DOCK10: variants seen among roughly 807,000 people sequenced by gnomAD.
DOCK10 encodes dedicator of cytokinesis protein 10.
DOCK10 carries 145 observed loss-of-function variants against 280.1 expected under a neutral mutation model. The observed-to-expected ratio is 0.52, with a 90% CI of 0.45 to 0.59. The LOEUF (loss-of-function observed/expected upper bound fraction) is 0.59, where lower values mean the gene tolerates loss of function less well. DOCK10 is among the 20% of genes least tolerant of loss of function. DOCK10 has a pLI of 0.00. For synonymous variants in DOCK10, 915 were observed against 942.2 expected (o/e 0.97, Z 0.53); for missense variants, 2,368 against 2,651.7 (o/e 0.89, Z 2.35).
chr2:224,771,240 C>T (rs115384520), intron 53 of DOCK10, among the ~76,000 whole-genome samples: 2,522 of 152,234 alleles, frequency 0.017, 60 homozygotes, highest in African/African-American at 0.053. Flanking sequence ...GAACCACCCA[C>T]GGAATCTGCT....
intron 1 of DOCK10, among the ~76,000 whole-genome samples, chr2:224,967,218 T>A (rs527514313): frequency 6.6e-6 from 1 of 152,106 alleles, no homozygotes; most frequent in South Asian, 2.1e-4. Flanking sequence ...TAGTTGGGAC[T>A]ACAGGGGCCC....
intron 1 of DOCK10, chr2:224,946,717 T>A (rs527658943): frequency 1.8e-6 from 1 of 552,852 alleles, no homozygotes; most frequent in Non-Finnish European, 2.9e-6. Flanking sequence ...AGGACCCAAA[T>A]GGAATCTTCT....
chr2:224,848,375 T>G (rs1696503125), intron 19 of DOCK10, among the ~76,000 whole-genome samples: 1 of 152,172 alleles, frequency 6.6e-6, no homozygotes, highest in South Asian at 2.1e-4. Context: ...GAAATTAAAT[T>G]TTTTCACTGA....
chr2:224,976,623 A>T (rs1705454521), intron 1 of DOCK10, among the ~76,000 whole-genome samples: 1 of 151,624 alleles, frequency 6.6e-6, no homozygotes, highest in African/African-American at 2.4e-5. Context: ...GGAAAAAACC[A>T]AGTTCCCTGG....
At chr2:224,945,678 C>CATATATAT (rs146310112) in intron 1 of DOCK10, among the ~76,000 whole-genome samples, 5 of 150,078 alleles carry the variant, frequency 3.3e-5, no homozygotes, top group African/African-American at 1.2e-4. Context: ...CATGTGTGTG[C>CATATATAT]ATATATATAT....
intron 1 of DOCK10, among the ~76,000 whole-genome samples, chr2:225,000,442 T>C (rs1387131646): frequency 6.6e-6 from 1 of 152,164 alleles, no homozygotes; most frequent in East Asian, 1.9e-4. Context: ...GAAAGTTGAG[T>C]TCTCTAGCAA....
Position 224,864,669 on chromosome 2 carries a change from A to T in DOCK10, c.1486T>A (p.Phe496Ile). The T allele has an allele frequency of 4.3e-6, 7 of 1,610,600 alleles. No homozygotes were observed. The highest frequency in any genetic ancestry group is 5.9e-6 in the Non-Finnish European group (7 of 1,179,074). Residue 496 changes from phenylalanine to isoleucine, a missense_variant, in exon 13 of 56, where the codon TTT becomes ATT. Coordinates refer to ENST00000258390, the MANE Select transcript of DOCK10 (RefSeq NM_014689.3). ...EWLKFPKQAV[F>I]SVSNPHSEIV... ...TCAGAATGTGGATTGCTTACAGAAA[A>T]TACAGCCTGTGTACAAAGAAAGCAG...
At chr2:224,876,548 A>T (rs1698643482) in intron 7 of DOCK10, among the ~76,000 whole-genome samples, 1 of 151,972 alleles carries the variant, frequency 6.6e-6, no homozygotes, top group South Asian at 2.1e-4. Flanking sequence ...TGACTTTCTC[A>T]CCTTATATTC....
intron 27 of DOCK10, among the ~76,000 whole-genome samples, chr2:224,830,028 G>A (rs1695120339): frequency 6.6e-6 from 1 of 152,222 alleles, no homozygotes; most frequent in African/African-American, 2.4e-5. Context: ...AATATAAAGA[G>A]TTGCTGTATC....
chr2:224,775,156 G>C (rs1690746801), intron 51 of DOCK10, 41 bp from the exon 52 acceptor site: 2 of 1,579,448 alleles, frequency 1.3e-6, no homozygotes, highest in African/African-American at 2.7e-5. Context: ...GGTGTGCCCT[G>C]GAGCGCTCTG....
In DOCK10 at chr2:224,787,391, G is replaced by A. The variant is rs529133785; in HGVS notation, c.5425C>T (p.Leu1809=). Residue 1809 remains leucine, a synonymous_variant, in exon 49 of 56, where the codon CTG becomes TTG. Coordinates refer to ENST00000258390, the MANE Select transcript of DOCK10 (RefSeq NM_014689.3). ...ACACACATGTATAGCTGCTCCACCA[G>A]GATATTCTGCAATTCCCCCAATCAA... ...MQDTPYNENI[L]VEQLYMCVEF... 2 of 1,613,810 alleles carry A rather than the reference G, an allele frequency of 1.2e-6. No individual in the cohort carries two copies. Among genetic ancestry groups the A allele is most frequent in the Middle Eastern group, 1.6e-4 (1 of 6,062 alleles).
chr2:224,891,867 T>C (rs1348190625), intron 4 of DOCK10, among the ~76,000 whole-genome samples: 1 of 152,204 alleles, frequency 6.6e-6, no homozygotes, highest in Admixed American at 6.5e-5. Flanking sequence ...CTGAGTTTGC[T>C]TGATCAAATT....
Position 224,864,830 on chromosome 2 carries a change from C to T in DOCK10, c.1479+36G>A, listed in dbSNP as rs780088931. The stretch of plus-strand genomic sequence containing the variant: ...CTATTGGTAAGAATAATGGTACAAG[C>T]ATTTTCCATCTCATCACAAGTAAAC... On this transcript the variant is annotated intron_variant, in intron 12 of 55. Coordinates refer to ENST00000258390, the MANE Select transcript of DOCK10 (RefSeq NM_014689.3). 7.4e-6 allele frequency: 12 copies of T among 1,611,448 alleles called. No individual in the cohort carries two copies. The Admixed American group carries it at 2.0e-4, about 27-fold the overall frequency.
At chr2:224,866,747 G>A (rs1230446345) in intron 11 of DOCK10, among the ~76,000 whole-genome samples, 1 of 152,010 alleles carries the variant, frequency 6.6e-6, no homozygotes, top group Non-Finnish European at 1.5e-5. Flanking sequence ...TAGACTCATG[G>A]ATTACTGTTT....
intron 23 of DOCK10, 116 bp from the exon 24 acceptor site, chr2:224,840,188 A>G: frequency 1.8e-6 from 1 of 560,106 alleles, no homozygotes; most frequent in Non-Finnish European, 3.2e-6. Context: ...ACTTCGTGAC[A>G]TTAGACTGGG....
intron 50 of DOCK10, among the ~76,000 whole-genome samples, chr2:224,782,611 A>AT (rs990243867): frequency 2.6e-5 from 4 of 152,274 alleles, no homozygotes; most frequent in African/African-American, 7.2e-5. Flanking sequence ...CAAGACTTGC[A>AT]TTTTTTTAAA....
intron 2 of DOCK10, among the ~76,000 whole-genome samples, chr2:224,920,462 T>C (rs1429830787): frequency 2.6e-5 from 4 of 152,124 alleles, no homozygotes; most frequent in Non-Finnish European, 4.4e-5. Flanking sequence ...AAATAGTAAA[T>C]AAACTATATT....
intron 26 of DOCK10, among the ~76,000 whole-genome samples, chr2:224,831,927 C>T (rs913101883): frequency 1.3e-5 from 2 of 152,256 alleles, no homozygotes; most frequent in East Asian, 3.9e-4. Context: ...GAGGTAGGGG[C>T]TCCTGGTGGG....
At position 224,793,032 on chromosome 2, in the gene DOCK10, G is replaced by C. The variant is rs2125116486; in HGVS notation, c.5253C>G (p.Leu1751=). The C allele has an allele frequency of 6.2e-7, 1 of 1,613,768 alleles. No individual in the cohort carries two copies. Among genetic ancestry groups the C allele is most frequent in the Non-Finnish European group, 8.5e-7 (1 of 1,179,778 alleles). ...KVEKICTASL[L]SEDTHPCDSN... ...TATCACAGGGGTGGGTATCCTCCGA[G>C]AGCAGGGATGCTGTGCAAATCTTTT... The change falls in exon 47 of 56, where the codon CTC becomes CTG. Residue 1751 remains leucine, a synonymous_variant. Transcript: ENST00000258390.
Sources: allele counts gnomAD v4.1 joint callset (sites outside exome capture counted in the v4.1 genomes callset), GRCh38; gene constraint gnomAD v4.1.1; transcripts MANE v1.5; gene names NCBI Gene and HGNC (gene_info 2026-07-23, HGNC 2026-07-21).